Variants in EGF observed in about 807,000 individuals in gnomAD.
The protein encoded by EGF is epidermal growth factor, also known as pro-epidermal growth factor.
EGF carries 95 observed loss-of-function variants against 143.8 expected under a neutral mutation model. The observed-to-expected ratio is 0.66, with a 90% CI of 0.56 to 0.78. EGF has a LOEUF of 0.78. EGF is among the 30% of genes least tolerant of loss of function. EGF has a pLI of 0.00. For missense variants in EGF, 1,320 were observed against 1,470.9 expected (o/e 0.90, Z 1.68); for synonymous variants, 510 against 510.5 (o/e 1.00, Z 0.01).
At chr4:109,973,859 C>G (rs964883953) in intron 11 of EGF, among the ~76,000 whole-genome samples, 6 of 152,050 alleles carry the variant, frequency 3.9e-5, no homozygotes, top group Non-Finnish European at 7.4e-5. Flanking sequence ...AATTTTCTAC[C>G]CTGCCAGATT....
intron 2 of EGF, 125 bp from the exon 3 acceptor site, chr4:109,943,129 C>A: frequency 1.5e-6 from 1 of 651,224 alleles, no homozygotes; most frequent in Non-Finnish European, 2.5e-6. Flanking sequence ...ATTATTTAAA[C>A]AATTTTGGAA....
At chr4:109,916,132 G>A (rs750583968) in intron 1 of EGF, among the ~76,000 whole-genome samples, 1 of 152,118 alleles carries the variant, frequency 6.6e-6, no homozygotes, top group Non-Finnish European at 1.5e-5. Context: ...TCCCAGCTGC[G>A]GGAGGGATCC....
At chr4:109,932,889 TC>T (rs1050793297) in intron 1 of EGF, among the ~76,000 whole-genome samples, 2 of 152,136 alleles carry the variant, frequency 1.3e-5, no homozygotes, top group African/African-American at 4.8e-5. Flanking sequence ...AGGTGTCTCT[TC>T]CTAGTGTCTT....
At chr4:110,002,537 T>G (rs12511518) in intron 21 of EGF, among the ~76,000 whole-genome samples, 5,004 of 152,262 alleles carry the variant, frequency 0.033, 260 homozygotes, top group East Asian at 0.17. Flanking sequence ...TGAAACTAAA[T>G]AAATTTTTCA....
chr4:109,970,924 T>C (rs1435392520), intron 11 of EGF, among the ~76,000 whole-genome samples: 2 of 152,030 alleles, frequency 1.3e-5, no homozygotes, highest in Non-Finnish European at 2.9e-5. Flanking sequence ...GGTGAGCATA[T>C]TTTCTTTCAT....
At chr4:109,938,627 T>G (rs1408676229) in intron 1 of EGF, among the ~76,000 whole-genome samples, 2 of 152,206 alleles carry the variant, frequency 1.3e-5, no homozygotes, top group African/African-American at 4.8e-5. Flanking sequence ...GCCTTTTTGC[T>G]CTGGTTTCTT....
rs1459090327 is a variant in EGF at position 109,933,432 on chromosome 4, T to C, written c.128-7514T>C. ...TAGCATTTCTTTTTTTTCTTTTTTT[T>C]TTTTTTATACTTTAAGTTCTACAGT... is the stretch of plus-strand genomic sequence containing the variant. On this transcript the variant is annotated intron_variant, in intron 1 of 23. Coordinates refer to ENST00000265171, the MANE Select transcript of EGF (RefSeq NM_001963.6). Among the ~76,000 whole-genome samples, 5 of 152,132 alleles carry C rather than the reference T, an allele frequency of 3.3e-5. No homozygotes were observed. The East Asian group carries it at 9.6e-4, about 29-fold the overall frequency.
chr4:109,991,862 C>G (rs1750979307), intron 18 of EGF, among the ~76,000 whole-genome samples: 1 of 151,952 alleles, frequency 6.6e-6, no homozygotes, highest in South Asian at 2.1e-4. Flanking sequence ...GCTTAGAACA[C>G]CTGCATGGGG....
chr4:109,980,801 T>C (rs776615442), intron 14 of EGF, 25 bp from the exon 15 acceptor site: 1 of 1,613,916 alleles, frequency 6.2e-7, no homozygotes, highest in Non-Finnish European at 8.5e-7. Context: ...AACCCACTTG[T>C]GAATTTGTTT....
At chr4:109,938,940 A>C (rs1208869114) in intron 1 of EGF, among the ~76,000 whole-genome samples, 1 of 152,008 alleles carries the variant, frequency 6.6e-6, no homozygotes, top group Non-Finnish European at 1.5e-5. Context: ...GTTGGCCCCT[A>C]CTAGGAGGTG....
At chr4:109,940,911 A>C in intron 1 of EGF, 35 bp from the exon 2 acceptor site, 1 of 1,593,334 alleles carries the variant, frequency 6.3e-7, no homozygotes, top group African/African-American at 1.3e-5. Context: ...TAAAATATTA[A>C]AAGTATACAG....
intron 17 of EGF, among the ~76,000 whole-genome samples, 194 bp downstream of exon 17, chr4:109,988,054 C>A (rs1400067131): frequency 6.6e-6 from 1 of 151,812 alleles, no homozygotes; most frequent in Non-Finnish European, 1.5e-5. Context: ...TACACAAATA[C>A]ATTGAGTTTA....
At chr4:109,985,505 G>A (rs931996644) in intron 16 of EGF, among the ~76,000 whole-genome samples, 1 of 152,166 alleles carries the variant, frequency 6.6e-6, no homozygotes. Flanking sequence ...GGCTTTCTGT[G>A]GCCTGCTTCC....
At chr4:110,004,190 T>TC (rs1231916045) in intron 21 of EGF, 5 of 393,418 alleles carry the variant, frequency 1.3e-5, no homozygotes, top group Non-Finnish European at 1.9e-5. Context: ...GCAAGGCTAT[T>TC]CCCCCCAACA....
intron 19 of EGF, among the ~76,000 whole-genome samples, 164 bp downstream of exon 19, chr4:109,993,533 G>A (rs1027305665): frequency 6.6e-6 from 1 of 152,086 alleles, no homozygotes; most frequent in African/African-American, 2.4e-5. Context: ...AATTTGAAAT[G>A]GTCCAAGTTT....
At chr4:109,931,150 AAAAC>A (rs1739615879) in intron 1 of EGF, among the ~76,000 whole-genome samples, 1 of 152,272 alleles carries the variant, frequency 6.6e-6, no homozygotes, top group African/African-American at 2.4e-5. Context: ...CAGGTCTGAA[AAAAC>A]ATTACCATAT....
chr4:109,988,463 C>A, intron 17 of EGF, 121 bp from the exon 18 acceptor site: 2 of 1,458,826 alleles, frequency 1.4e-6, no homozygotes, highest in Non-Finnish European at 1.9e-6. Context: ...CTGATGTTGG[C>A]AACAGCACCT....
In EGF at chr4:109,922,600, G is replaced by T. The variant is rs541235408; in HGVS notation, c.127+9138G>T. Among the ~76,000 whole-genome samples, 11 of 151,762 alleles carry T rather than the reference G, an allele frequency of 7.2e-5. 1 individual carries two copies. Among genetic ancestry groups the T allele is most frequent in the African/African-American group, 2.7e-4 (11 of 41,052 alleles). ...TTCTGGTTGGTTCTTTATACAGTGG[G>T]TTGATCTTGTCACACAGGCAAAAAT... On this transcript the variant is annotated intron_variant, in intron 1 of 23. Coordinates refer to ENST00000265171, the MANE Select transcript of EGF (RefSeq NM_001963.6).
intron 2 of EGF, among the ~76,000 whole-genome samples, chr4:109,943,038 C>A (rs1313961473): frequency 2.0e-5 from 3 of 152,132 alleles, no homozygotes; most frequent in Non-Finnish European, 4.4e-5. Context: ...GCTATAAATA[C>A]TATTTCCAGA....
Sources: allele counts gnomAD v4.1 joint callset (sites outside exome capture counted in the v4.1 genomes callset), GRCh38; gene constraint gnomAD v4.1.1; transcripts MANE v1.5; gene names NCBI Gene and HGNC (gene_info 2026-07-23, HGNC 2026-07-21).